TIAM2: variants seen among roughly 807,000 people sequenced by gnomAD.
TIAM2 encodes the protein rho guanine nucleotide exchange factor TIAM2.
TIAM2 carries 80 observed loss-of-function variants against 152.9 expected under a neutral mutation model. The ratio of observed to expected loss-of-function variants is 0.52; its 90% CI spans 0.44 to 0.63. The LOEUF is 0.63. TIAM2 is among the 30% of genes least tolerant of loss of function. The pLI is 0.00. For synonymous variants in TIAM2, 804 were observed against 838.0 expected, an observed-to-expected ratio of 0.96 and a Z score of 0.70; for missense variants, 1,965 against 2,120.1, an observed-to-expected ratio of 0.93 and a Z score of 1.44.
intron 12 of TIAM2, among the ~76,000 whole-genome samples, chr6:155,180,091 C>G (rs1201744326): frequency 6.6e-6 from 1 of 152,136 alleles, no homozygotes; most frequent in African/African-American, 2.4e-5. Context: ...ACCAGCCTGA[C>G]CAACATGGAG....
intron 1 of TIAM2, among the ~76,000 whole-genome samples, chr6:155,052,999 T>C (rs998708693): frequency 6.6e-6 from 1 of 151,654 alleles, no homozygotes; most frequent in Non-Finnish European, 1.5e-5. Context: ...TGAATGTGTA[T>C]GAATAAATCA....
At position 155,164,462 on chromosome 6, in the gene TIAM2, C is replaced by T. The variant is rs561505204; in HGVS notation, c.2076C>T (p.Phe692=). 5.6e-6 allele frequency: 9 copies of T among 1,613,962 alleles called. No individual in the cohort carries two copies. In the African/African-American group the frequency reaches 9.3e-5, roughly 17 times the overall value. ...QNLEKFHMDL[F]RMRCYLASLQ... Reference sequence around the variant, plus strand: ...TTGAGAAATTTCACATGGATCTGTTCAGGATGCGCTGCTATCTGGCCAGCC... The same window carrying T: ...TTGAGAAATTTCACATGGATCTGTTTAGGATGCGCTGCTATCTGGCCAGCC... Residue 692 remains phenylalanine, a synonymous_variant, in exon 8 of 27, where the codon TTC becomes TTT. Transcript: ENST00000682666.
intron 15 of TIAM2, among the ~76,000 whole-genome samples, chr6:155,237,594 C>CAT (rs575381889): frequency 4.4e-4 from 67 of 152,358 alleles, no homozygotes; most frequent in African/African-American, 1.5e-3. Context: ...CAGGCATTTC[C>CAT]ATACATTCTC....
intron 14 of TIAM2, among the ~76,000 whole-genome samples, chr6:155,196,931 G>C (rs892436987): frequency 2.0e-5 from 3 of 152,250 alleles, no homozygotes; most frequent in Non-Finnish European, 4.4e-5. Context: ...GGGAAAATGT[G>C]ACAAAGTTCA....
intron 12 of TIAM2, among the ~76,000 whole-genome samples, chr6:155,181,575 A>G (rs966642427): frequency 2.0e-5 from 3 of 152,186 alleles, no homozygotes; most frequent in Non-Finnish European, 4.4e-5. Context: ...ATCTCTAGAA[A>G]TCTTTTCGTC....
intron 4 of TIAM2, among the ~76,000 whole-genome samples, chr6:155,130,858 A>G (rs1280407074): frequency 6.6e-6 from 1 of 152,126 alleles, no homozygotes; most frequent in Admixed American, 6.6e-5. Flanking sequence ...TCCTCTTCTT[A>G]TAAGGACCCT....
chr6:155,209,630 C>T (rs1010824230), intron 14 of TIAM2, among the ~76,000 whole-genome samples: 1 of 152,178 alleles, frequency 6.6e-6, no homozygotes, highest in African/African-American at 2.4e-5. Flanking sequence ...ACTGCCTTCC[C>T]TAGGCTAAGT....
Position 155,216,884 on chromosome 6 carries a change from G to A in TIAM2, c.3168+5577G>A, listed in dbSNP as rs1023633480. On this transcript the variant is annotated intron_variant, in intron 15 of 26. Coordinates refer to ENST00000682666, the MANE Select transcript of TIAM2 (RefSeq NM_012454.4). Reference sequence around the variant, plus strand: ...AGGGGGCCAGCTTCCCCCAATCACCGGTGCTGCTGTGGAGGAAGAGCTTGG... The same window carrying A: ...AGGGGGCCAGCTTCCCCCAATCACCAGTGCTGCTGTGGAGGAAGAGCTTGG... 1.0e-5 allele frequency: 12 copies of A among 1,157,114 alleles called. No homozygotes were observed. The African/African-American group carries it at 1.5e-4, about 14-fold the overall frequency. The allele number at this position is 1,157,114 out of a possible 1,614,324, so 71.7% of individuals were successfully genotyped here. A position where few individuals can be genotyped will look rare whatever the true frequency, so the allele number is the denominator to read the frequency against.
At chr6:155,104,722 A>C (rs1583192040) in intron 2 of TIAM2, among the ~76,000 whole-genome samples, 1 of 149,310 alleles carries the variant, frequency 6.7e-6, no homozygotes, top group African/African-American at 2.5e-5. Flanking sequence ...GTGCCTCTGC[A>C]CTCCAGCCTG....
rs140865160 is a variant in TIAM2 at position 155,108,222 on chromosome 6, A to T, written c.-118+17843A>T. Among the ~76,000 whole-genome samples the T allele has an allele frequency of 8.5e-4, 130 of 152,304 alleles. 4 individuals are homozygous for T. The highest frequency in any genetic ancestry group is 8.1e-3 in the South Asian group (39 of 4,830). On this transcript the variant is annotated intron_variant, in intron 2 of 26. Coordinates refer to ENST00000682666, the MANE Select transcript of TIAM2 (RefSeq NM_012454.4). ...GTGCTGGGTCAGGGCTGTCATCTCCATCGGTGTATTGGGCATCCCCCATGT... is the reference window on the plus strand; with the variant it reads ...GTGCTGGGTCAGGGCTGTCATCTCCTTCGGTGTATTGGGCATCCCCCATGT...
intron 1 of TIAM2, among the ~76,000 whole-genome samples, chr6:155,086,584 G>A (rs976333451): frequency 6.6e-6 from 1 of 151,824 alleles, no homozygotes; most frequent in Admixed American, 6.6e-5. Context: ...GCGTGCACCT[G>A]TAATCCCGGC....
chr6:155,250,293 T>G (rs919198122), intron 21 of TIAM2, among the ~76,000 whole-genome samples: 9 of 57,148 alleles, frequency 1.6e-4, no homozygotes, highest in African/African-American at 4.4e-4. Flanking sequence ...GATTTTGCCT[T>G]TTTTTTTTTT....
At chr6:155,060,895 AAAACC>A (rs974503859) in intron 1 of TIAM2, among the ~76,000 whole-genome samples, 5 of 152,214 alleles carry the variant, frequency 3.3e-5, no homozygotes, top group Admixed American at 6.5e-5. Flanking sequence ...AACTGTCTCA[AAAACC>A]AAACCAAACC....
At chr6:155,176,654 T>G (rs1780765636) in intron 9 of TIAM2, among the ~76,000 whole-genome samples, 162 bp from the exon 10 acceptor site, 1 of 152,202 alleles carries the variant, frequency 6.6e-6, no homozygotes, top group Non-Finnish European at 1.5e-5. Context: ...ATAAAATGAG[T>G]GAGGAAACGT....
At chr6:155,238,365 GTCT>G (rs367599039) in intron 15 of TIAM2, among the ~76,000 whole-genome samples, 1,570 of 152,308 alleles carry the variant, frequency 0.01, 26 homozygotes, top group African/African-American at 0.035. Context: ...ACACTTTCCT[GTCT>G]TCTTCTGAGC....
At chr6:155,206,110 C>T (rs1266410378) in intron 14 of TIAM2, among the ~76,000 whole-genome samples, 3 of 152,166 alleles carry the variant, frequency 2.0e-5, no homozygotes, top group African/African-American at 7.2e-5. Flanking sequence ...CAGGAGGAAG[C>T]TGAATGACCA....
At chr6:155,086,191 G>A (rs1778167840) in intron 1 of TIAM2, among the ~76,000 whole-genome samples, 1 of 152,196 alleles carries the variant, frequency 6.6e-6, no homozygotes, top group Admixed American at 6.5e-5. Context: ...CCAAGGAAGA[G>A]CATTCTTGGA....
intron 1 of TIAM2, among the ~76,000 whole-genome samples, chr6:155,017,504 G>A (rs1215559392): frequency 3.2e-5 from 2 of 63,094 alleles, no homozygotes; most frequent in Admixed American, 3.3e-4. Context: ...ACTCCATTTT[G>A]TCTTTTTTTT....
intron 1 of TIAM2, among the ~76,000 whole-genome samples, chr6:155,070,345 T>G (rs1756608754): frequency 6.8e-6 from 1 of 147,566 alleles, no homozygotes; most frequent in Non-Finnish European, 1.5e-5. Flanking sequence ...CTCAGCCTCC[T>G]GAGTAGATGG....
Sources: allele counts gnomAD v4.1 joint callset (sites outside exome capture counted in the v4.1 genomes callset), GRCh38; gene constraint gnomAD v4.1.1; transcripts MANE v1.5; gene names NCBI Gene and HGNC (gene_info 2026-07-23, HGNC 2026-07-21).